STAU2: variants seen among roughly 807,000 people sequenced by gnomAD.
The protein encoded by STAU2 is double-stranded RNA-binding protein Staufen homolog 2.
Under a neutral mutation model 65.9 loss-of-function variants are expected in STAU2, and 20 were observed. That is an observed-to-expected ratio of 0.30 (90% CI 0.21 to 0.44). STAU2 has a LOEUF of 0.44. Among genes scored for constraint, STAU2 ranks in the 20% least tolerant of loss-of-function variants. The probability of loss-of-function intolerance (pLI) is 1.00; values close to 1 mark genes in which losing one functional copy is unlikely to be tolerated. For synonymous variants in STAU2, 232 were observed against 233.9 expected (o/e 0.99, Z 0.07); for missense variants, 558 against 683.9 (o/e 0.82, Z 2.05).
chr8:73,567,278 C>T (rs1443186361), intron 12 of STAU2, among the ~76,000 whole-genome samples: 5 of 152,084 alleles, frequency 3.3e-5, no homozygotes, highest in Non-Finnish European at 2.9e-5. Flanking sequence ...GAGGCCGAGG[C>T]GGGCAGATCA....
At chr8:73,633,083 A>G (rs1030553908) in intron 6 of STAU2, among the ~76,000 whole-genome samples, 1 of 152,214 alleles carries the variant, frequency 6.6e-6, no homozygotes, top group Admixed American at 6.5e-5. Flanking sequence ...CATGATACCT[A>G]GCACTTAAAA....
chr8:73,567,555 T>TC (rs1491532467), intron 12 of STAU2, among the ~76,000 whole-genome samples: 4 of 136,844 alleles, frequency 2.9e-5, no homozygotes, highest in East Asian at 2.0e-4. Flanking sequence ...TCTCTCTCTC[T>TC]TTTTTTTTTT....
chr8:73,690,328 C>CA (rs56744849), intron 4 of STAU2, among the ~76,000 whole-genome samples: 3,080 of 57,474 alleles, frequency 0.054, 232 homozygotes, highest in African/African-American at 0.17. Flanking sequence ...GACTCTGTCT[C>CA]AAAAAAAAAA....
intron 13 of STAU2, among the ~76,000 whole-genome samples, chr8:73,512,993 G>C (rs1822498522): frequency 6.6e-6 from 1 of 152,092 alleles, no homozygotes; most frequent in Non-Finnish European, 1.5e-5. Context: ...GTATCTGTCT[G>C]CATAGTACAT....
At chr8:73,643,118 G>A (rs1229218465) in intron 6 of STAU2, among the ~76,000 whole-genome samples, 3 of 152,108 alleles carry the variant, frequency 2.0e-5, no homozygotes, top group African/African-American at 7.2e-5. Flanking sequence ...CTCCAAATCT[G>A]TTTCTTCTCC....
At position 73,422,702 on chromosome 8, in the gene STAU2, C is replaced by T. The variant is rs537938440; in HGVS notation, c.1531G>A (p.Ala511Thr). 2 of 1,462,410 alleles carry T rather than the reference C, an allele frequency of 1.4e-6. No individual in the cohort carries two copies. The highest frequency in any genetic ancestry group is 2.7e-5 in the East Asian group (1 of 37,380). The allele number at this position is 1,462,410 out of a possible 1,614,324, so 90.6% of individuals were successfully genotyped here. The change falls in exon 14 of 15, where the codon GCA becomes ACA. Residue 511 changes from alanine to threonine, a missense_variant and splice_region_variant. Transcript: ENST00000524300. ...EYLARIQGFQAALSALKQFSE... is the reference protein window; with the variant it reads ...EYLARIQGFQTALSALKQFSE... ...AATTGTTTCAAGGCACTTAAGGCTG[C>T]CTAAAAATGAAAACAAACAGAGAGA... is the stretch of plus-strand genomic sequence containing the variant.
intron 3 of STAU2, among the ~76,000 whole-genome samples, chr8:73,711,201 T>C (rs1820879173): frequency 7.2e-6 from 1 of 138,808 alleles, no homozygotes; most frequent in African/African-American, 2.7e-5. Flanking sequence ...AAGACAAAAG[T>C]CAAGACAGTT....
intron 14 of STAU2, 69 bp from the exon 15 acceptor site, chr8:73,421,534 A>T: frequency 7.0e-7 from 1 of 1,431,914 alleles, no homozygotes; most frequent in Non-Finnish European, 9.5e-7. Context: ...GTTTATTAGC[A>T]GATGGCACAG....
intron 12 of STAU2, among the ~76,000 whole-genome samples, chr8:73,579,484 AAG>A (rs1240607241): frequency 6.6e-6 from 1 of 152,206 alleles, no homozygotes; most frequent in Admixed American, 6.5e-5. Context: ...TGAATACAAA[AAG>A]AGATGTTATC....
intron 4 of STAU2, among the ~76,000 whole-genome samples, chr8:73,696,048 TCA>T (rs1819677756): frequency 6.6e-6 from 1 of 152,138 alleles, no homozygotes; most frequent in Non-Finnish European, 1.5e-5. Flanking sequence ...GGTGCCTGCA[TCA>T]CCACACCCCC....
intron 11 of STAU2, among the ~76,000 whole-genome samples, chr8:73,592,938 A>C (rs998849671): frequency 6.6e-6 from 1 of 152,210 alleles, no homozygotes. Context: ...TTATTGATAA[A>C]TCAATATATT....
chr8:73,722,376 A>G (rs541554118), intron 3 of STAU2, among the ~76,000 whole-genome samples: 96 of 152,338 alleles, frequency 6.3e-4, no homozygotes, highest in Non-Finnish European at 1.1e-3. Context: ...ATGTAACTCC[A>G]TATTTGCATC....
chr8:73,604,429 C>G (rs1173307921), intron 9 of STAU2, among the ~76,000 whole-genome samples: 1 of 152,022 alleles, frequency 6.6e-6, no homozygotes, highest in South Asian at 2.1e-4. Context: ...GGGGTTTCAT[C>G]ATGTTGGCCA....
At chr8:73,549,969 T>C (rs920434006) in intron 13 of STAU2, 22 of 985,792 alleles carry the variant, frequency 2.2e-5, no homozygotes, top group Admixed American at 6.1e-5. Flanking sequence ...TATAAAGAAA[T>C]AGGCTTTAAA....
intron 13 of STAU2, among the ~76,000 whole-genome samples, chr8:73,508,305 G>A (rs1314487759): frequency 6.6e-6 from 1 of 152,174 alleles, no homozygotes; most frequent in African/African-American, 2.4e-5. Flanking sequence ...GGCTGTTGTA[G>A]GGTTATTAAT....
chr8:73,650,378 G>A (rs187409496), intron 6 of STAU2, among the ~76,000 whole-genome samples: 5 of 152,110 alleles, frequency 3.3e-5, no homozygotes, highest in Non-Finnish European at 5.9e-5. Flanking sequence ...TAATACAGAT[G>A]TTATCGTATC....
chr8:73,658,633 T>C (rs1480585295), intron 6 of STAU2, among the ~76,000 whole-genome samples: 1 of 151,174 alleles, frequency 6.6e-6, no homozygotes, highest in African/African-American at 2.4e-5. Context: ...ACCATACTTA[T>C]GCCGGGCATG....
intron 13 of STAU2, among the ~76,000 whole-genome samples, chr8:73,506,831 A>C (rs1029450700): frequency 6.6e-6 from 1 of 152,200 alleles, no homozygotes; most frequent in Non-Finnish European, 1.5e-5. Flanking sequence ...TTTATAAACA[A>C]AGTTTGTGTA....
At chr8:73,548,619 T>A (rs1563414375) in intron 13 of STAU2, among the ~76,000 whole-genome samples, 2 of 152,194 alleles carry the variant, frequency 1.3e-5, no homozygotes, top group Non-Finnish European at 2.9e-5. Flanking sequence ...TTATGATCAA[T>A]AATGAAATGC....
Sources: gnomAD v4.1 joint callset for allele counts (sites outside exome capture counted in the v4.1 genomes callset) on GRCh38, gnomAD v4.1.1 for gene constraint, MANE v1.5 for transcripts, NCBI Gene and HGNC (gene_info 2026-07-23, HGNC 2026-07-21) for gene names.